The following ZMYND11 variants were observed in gnomAD, a reference collection of about 807,000 sequenced individuals.
The protein encoded by ZMYND11 is zinc finger MYND domain-containing protein 11.
Under a neutral mutation model 84.9 loss-of-function variants are expected in ZMYND11, and 9 were observed. The ratio of observed to expected loss-of-function variants is 0.11; its 90% CI spans 0.06 to 0.18. ZMYND11 has a LOEUF of 0.18. Among genes scored for constraint, ZMYND11 ranks in the 10% least tolerant of loss-of-function variants. The pLI, the probability that ZMYND11 is intolerant of heterozygous loss-of-function variation, is 1.00. For synonymous variants in ZMYND11, 250 were observed against 244.1 expected, an observed-to-expected ratio of 1.02 and a Z score of -0.23; for missense variants, 409 against 761.0, an observed-to-expected ratio of 0.54 and a Z score of 5.44.
At chr10:241,882 A>G in intron 9 of ZMYND11, 139 bp from the exon 10 acceptor site, 1 of 1,078,740 alleles carries the variant, frequency 9.3e-7, no homozygotes, top group South Asian at 1.7e-5. Context: ...TCCCAGAAAA[A>G]AAATCTCGTA....
intron 4 of ZMYND11, among the ~76,000 whole-genome samples, chr10:235,583 C>G (rs1315683220): frequency 6.6e-6 from 1 of 152,182 alleles, no homozygotes. Context: ...AGTCACAACC[C>G]AGATGCTCAG....
At chr10:193,244 C>T (rs1750754951) in intron 2 of ZMYND11, among the ~76,000 whole-genome samples, 1 of 152,108 alleles carries the variant, frequency 6.6e-6, no homozygotes, top group South Asian at 2.1e-4. Flanking sequence ...ACCTTATTAT[C>T]TTATGTTTCA....
At chr10:159,976 C>T (rs1205200322) in intron 1 of ZMYND11, among the ~76,000 whole-genome samples, 1 of 152,152 alleles carries the variant, frequency 6.6e-6, no homozygotes, top group Non-Finnish European at 1.5e-5. Flanking sequence ...CTCTGATTGC[C>T]TTCTCTTATG....
intron 2 of ZMYND11, among the ~76,000 whole-genome samples, chr10:200,320 TATA>T (rs969163484): frequency 1.5e-4 from 22 of 143,336 alleles, no homozygotes; most frequent in African/African-American, 5.3e-4. Flanking sequence ...ATATATAACA[TATA>T]ATATGTATTA....
rs946057682 is a variant in ZMYND11, at chr10:253,177, ATTTAAAT to A, written c.*714_*720del. On this transcript the variant is annotated 3_prime_UTR_variant, in exon 15 of 15. Coordinates refer to ENST00000381604, the MANE Select transcript of ZMYND11 (RefSeq NM_001370100.5). ...GAGCTGGATCTTAGAGAAAATGAATATTTAAATTTTAAAGTTTGCACATTTCATCTTT... is the reference window on the plus strand; with the variant it reads ...GAGCTGGATCTTAGAGAAAATGAATATTTAAAGTTTGCACATTTCATCTTT... 12 of 152,784 alleles carry A rather than the reference ATTTAAAT, an allele frequency of 7.9e-5. No individual in the cohort carries two copies. Among genetic ancestry groups the A allele is most frequent in the African/African-American group, 2.6e-4 (11 of 41,586 alleles). 9.5% of individuals were successfully genotyped at this position (152,784 alleles called of 1,614,324 possible).
At chr10:169,263 C>T (rs1414521630) in intron 1 of ZMYND11, among the ~76,000 whole-genome samples, 2 of 152,108 alleles carry the variant, frequency 1.3e-5, no homozygotes, top group Non-Finnish European at 2.9e-5. Flanking sequence ...TCCAGTGGCA[C>T]AGGCTGTCTA....
At chr10:194,054 A>G (rs994849162) in intron 2 of ZMYND11, among the ~76,000 whole-genome samples, 31 of 152,136 alleles carry the variant, frequency 2.0e-4, no homozygotes, top group African/African-American at 6.5e-4. Context: ...GTACAATCTC[A>G]GCTCACTACA....
intron 1 of ZMYND11, among the ~76,000 whole-genome samples, chr10:175,796 A>C (rs2131717020): frequency 6.6e-6 from 1 of 152,334 alleles, no homozygotes; most frequent in South Asian, 2.1e-4. Context: ...ATAGACAATG[A>C]AAAATAATTT....
chr10:241,988 GTAATA>G (rs1307887589), intron 9 of ZMYND11, 28 bp from the exon 10 acceptor site: 2 of 1,608,322 alleles, frequency 1.2e-6, no homozygotes, highest in South Asian at 2.2e-5. Context: ...TACTTTAAAA[GTAATA>G]TAACAAGGTA....
intron 9 of ZMYND11, 73 bp downstream of exon 9, chr10:241,043 T>A: frequency 5.7e-6 from 7 of 1,223,120 alleles, no homozygotes; most frequent in Non-Finnish European, 7.0e-6. Context: ...GGTTAAAGAT[T>A]ATAATTTTCT....
chr10:172,982 C>T (rs1161316228), intron 1 of ZMYND11, among the ~76,000 whole-genome samples: 2 of 149,040 alleles, frequency 1.3e-5, no homozygotes, highest in Non-Finnish European at 3.0e-5. Context: ...TACATTGGAG[C>T]AAAAAATAGC....
At chr10:173,009 C>T (rs1045788929) in intron 1 of ZMYND11, among the ~76,000 whole-genome samples, 7 of 150,924 alleles carry the variant, frequency 4.6e-5, no homozygotes, top group Non-Finnish European at 8.8e-5. Flanking sequence ...GGAAATGGTG[C>T]TGGAACAAAT....
chr10:146,572 C>T (rs1336396505), intron 1 of ZMYND11, among the ~76,000 whole-genome samples: 1 of 152,108 alleles, frequency 6.6e-6, no homozygotes, highest in Non-Finnish European at 1.5e-5. Context: ...CTCCTTGTAG[C>T]AATCTTTCAC....
chr10:168,734 C>G (rs1233759615), intron 1 of ZMYND11, among the ~76,000 whole-genome samples: 1 of 152,102 alleles, frequency 6.6e-6, no homozygotes, highest in Non-Finnish European at 1.5e-5. Context: ...ATGGGGTGTA[C>G]TGCTGCACCA....
chr10:229,492 A>C (rs1948647193), intron 4 of ZMYND11, among the ~76,000 whole-genome samples: 1 of 152,086 alleles, frequency 6.6e-6, no homozygotes, highest in South Asian at 2.1e-4. Context: ...GTTGGCAGAT[A>C]ATCTGTGGGA....
intron 10 of ZMYND11, among the ~76,000 whole-genome samples, chr10:245,711 A>G (rs1232951524): frequency 6.6e-6 from 1 of 152,146 alleles, no homozygotes; most frequent in East Asian, 1.9e-4. Context: ...TGTTCTGACC[A>G]CTCACAACCA....
chr10:239,574 C>T (rs1398423441), intron 7 of ZMYND11, 49 bp downstream of exon 7: 2 of 1,250,840 alleles, frequency 1.6e-6, no homozygotes, highest in Non-Finnish European at 2.3e-6. Context: ...ACACCATTTA[C>T]ATTCCATGTT....
chr10:206,382 C>T (rs1481335964), intron 2 of ZMYND11, among the ~76,000 whole-genome samples: 1 of 152,094 alleles, frequency 6.6e-6, no homozygotes, highest in African/African-American at 2.4e-5. Flanking sequence ...AAATCAATAG[C>T]TCTGTCTTAT....
intron 2 of ZMYND11, among the ~76,000 whole-genome samples, chr10:204,737 A>G (rs751255785): frequency 5.9e-5 from 9 of 152,102 alleles, no homozygotes; most frequent in African/African-American, 1.7e-4. Context: ...ATGCCTTTCA[A>G]CGTGTTATCA....
Sources: gnomAD v4.1 joint callset for allele counts (sites outside exome capture counted in the v4.1 genomes callset) on GRCh38, gnomAD v4.1.1 for gene constraint, MANE v1.5 for transcripts, NCBI Gene and HGNC (gene_info 2026-07-23, HGNC 2026-07-21) for gene names.